Variants in SHOC2 observed in about 807,000 individuals in gnomAD.
SHOC2 encodes the protein SHOC2 leucine rich repeat scaffold protein, also known as leucine-rich repeat protein SHOC-2.
In SHOC2, 4 loss-of-function variants were observed where a neutral mutation model predicts 50.2. That is an observed-to-expected ratio of 0.08 (90% CI 0.04 to 0.18). The LOEUF (loss-of-function observed/expected upper bound fraction) is 0.18, where lower values mean the gene tolerates loss of function less well. Ranked by LOEUF, SHOC2 falls within the 10% of genes least tolerant of loss-of-function variation. SHOC2 has a pLI of 1.00. For synonymous variants in SHOC2, 218 were observed against 244.5 expected (o/e 0.89, Z 1.01); for missense variants, 388 against 669.6 (o/e 0.58, Z 4.64).
At chr10:110,936,456 T>C (rs1847013428) in intron 1 of SHOC2, among the ~76,000 whole-genome samples, 1 of 152,094 alleles carries the variant, frequency 6.6e-6, no homozygotes, top group South Asian at 2.1e-4. Flanking sequence ...GTTAAGATAG[T>C]AATGTTTTTT....
chr10:110,933,012 A>C (rs979865272), intron 1 of SHOC2, among the ~76,000 whole-genome samples: 5 of 152,198 alleles, frequency 3.3e-5, no homozygotes, highest in African/African-American at 1.2e-4. Context: ...CACTTGTAAA[A>C]ACAGTTTATA....
At chr10:110,972,472 C>T (rs934134847) in intron 2 of SHOC2, among the ~76,000 whole-genome samples, 1 of 152,126 alleles carries the variant, frequency 6.6e-6, no homozygotes, top group Admixed American at 6.5e-5. Context: ...CAGCAAGAAA[C>T]ATTAGAAACC....
At chr10:111,007,896 A>C (rs1848499264) in intron 6 of SHOC2, among the ~76,000 whole-genome samples, 1 of 151,940 alleles carries the variant, frequency 6.6e-6, no homozygotes, top group Non-Finnish European at 1.5e-5. Flanking sequence ...AAGTATTAAT[A>C]TCTCTAAAAG....
chr10:111,003,710 A>G (rs903733622), intron 4 of SHOC2, among the ~76,000 whole-genome samples: 6 of 152,196 alleles, frequency 3.9e-5, no homozygotes, highest in African/African-American at 1.4e-4. Context: ...GTTAAAATGC[A>G]TATTATGATT....
intron 3 of SHOC2, among the ~76,000 whole-genome samples, chr10:110,992,707 G>A (rs1212955234): frequency 6.6e-6 from 1 of 152,130 alleles, no homozygotes; most frequent in Non-Finnish European, 1.5e-5. Context: ...TAGTAATTGG[G>A]TTTTAGGTAA....
rs1421085522 is a variant in SHOC2 at position 111,012,312 on chromosome 10, T to A, written c.*494T>A. On this transcript the variant is annotated 3_prime_UTR_variant, in exon 9 of 9. Coordinates refer to ENST00000369452, the MANE Select transcript of SHOC2 (RefSeq NM_007373.4). ...ATGTATTGTTTACAGTCAGAGTAAATCACTGGATTTCTTTTGTTTGTTTTG... is the reference window on the plus strand; with the variant it reads ...ATGTATTGTTTACAGTCAGAGTAAAACACTGGATTTCTTTTGTTTGTTTTG... The A allele has an allele frequency of 6.2e-6, 1 of 162,300 alleles. No homozygotes were observed. The highest frequency in any genetic ancestry group is 2.4e-5 in the African/African-American group (1 of 41,498). 10.1% of individuals were successfully genotyped at this position (162,300 alleles called of 1,614,324 possible).
chr10:110,975,383 C>T lies in SHOC2; in HGVS notation c.704-10245C>T, dbSNP rs180936313. Among the ~76,000 whole-genome samples the T allele has an allele frequency of 4.6e-5, 7 of 152,296 alleles. No individual in the cohort carries two copies. In the East Asian group the frequency reaches 1.2e-3, roughly 25 times the overall value. On this transcript the variant is annotated intron_variant, in intron 2 of 8. Transcript: ENST00000369452. ...TGTCTCGATCTCCTGACCTCGTGAT[C>T]TGCCTGCCTCGGCCTCCCAAAGTGC...
At chr10:110,960,960 A>C (rs1847559867) in intron 1 of SHOC2, among the ~76,000 whole-genome samples, 2 of 152,150 alleles carry the variant, frequency 1.3e-5, no homozygotes, top group South Asian at 4.1e-4. Flanking sequence ...TACAGACGTG[A>C]ACCACCACGC....
chr10:110,997,598 T>C (rs1224442518), intron 3 of SHOC2, among the ~76,000 whole-genome samples: 2 of 152,198 alleles, frequency 1.3e-5, no homozygotes, highest in Non-Finnish European at 2.9e-5. Context: ...AACATAACTT[T>C]AGTATGTACA....
chr10:110,999,256 C>T (rs568095903), intron 3 of SHOC2, among the ~76,000 whole-genome samples: 1 of 152,254 alleles, frequency 6.6e-6, no homozygotes, highest in African/African-American at 2.4e-5. Flanking sequence ...ATTAATCAGC[C>T]ACAACAAAAT....
intron 1 of SHOC2, among the ~76,000 whole-genome samples, chr10:110,945,082 C>G (rs979291400): frequency 6.6e-6 from 1 of 152,212 alleles, no homozygotes; most frequent in Non-Finnish European, 1.5e-5. Context: ...GTATTTCATT[C>G]TCAGCTTTTC....
At chr10:110,989,506 A>G (rs548486469) in intron 3 of SHOC2, among the ~76,000 whole-genome samples, 1 of 152,318 alleles carries the variant, frequency 6.6e-6, no homozygotes, top group South Asian at 2.1e-4. Flanking sequence ...AACAATTTAG[A>G]TAGATACAAA....
At chr10:110,973,898 G>C (rs1219429474) in intron 2 of SHOC2, among the ~76,000 whole-genome samples, 1 of 151,372 alleles carries the variant, frequency 6.6e-6, no homozygotes. Flanking sequence ...TATATATAGT[G>C]GTGTTCCCCT....
intron 3 of SHOC2, among the ~76,000 whole-genome samples, chr10:110,987,396 G>T (rs754824391): frequency 7.2e-5 from 11 of 152,142 alleles, no homozygotes; most frequent in Non-Finnish European, 5.9e-5. Flanking sequence ...AGCAAGCTGA[G>T]ACATGGATGT....
chr10:110,983,772 T>A (rs556005128), intron 2 of SHOC2, among the ~76,000 whole-genome samples: 1 of 152,312 alleles, frequency 6.6e-6, no homozygotes, highest in South Asian at 2.1e-4. Context: ...ATCATAAAAT[T>A]GTTTTTTTGT....
chr10:110,965,525 C>G (rs1847656318), intron 2 of SHOC2, among the ~76,000 whole-genome samples: 1 of 152,070 alleles, frequency 6.6e-6, no homozygotes, highest in African/African-American at 2.4e-5. Context: ...AAATCAGAGC[C>G]TTACAAAAGA....
intron 1 of SHOC2, among the ~76,000 whole-genome samples, chr10:110,939,610 G>T (rs1227626960): frequency 6.6e-6 from 1 of 152,070 alleles, no homozygotes; most frequent in African/African-American, 2.4e-5. Flanking sequence ...AGATTATGAC[G>T]TATGTCAACT....
intron 4 of SHOC2, among the ~76,000 whole-genome samples, chr10:111,002,824 A>C (rs1007555311): frequency 6.6e-5 from 10 of 152,188 alleles, no homozygotes; most frequent in Non-Finnish European, 1.2e-4. Flanking sequence ...CAATGTGACT[A>C]AGAAATGAGA....
intron 3 of SHOC2, among the ~76,000 whole-genome samples, chr10:110,999,241 AAG>A (rs1395767303): frequency 6.6e-6 from 1 of 152,254 alleles, no homozygotes; most frequent in African/African-American, 2.4e-5. Context: ...GAAGTCAAAA[AAG>A]AAATTAATCA....
Sources: gnomAD v4.1 joint callset for allele counts (sites outside exome capture counted in the v4.1 genomes callset) on GRCh38, gnomAD v4.1.1 for gene constraint, MANE v1.5 for transcripts, NCBI Gene and HGNC (gene_info 2026-07-23, HGNC 2026-07-21) for gene names.